Variants in SLC26A5 observed in about 807,000 individuals in gnomAD.
The protein encoded by SLC26A5 is solute carrier family 26 member 5.
A neutral mutation model predicts 81.0 loss-of-function variants in SLC26A5; 51 were observed. That is an observed-to-expected ratio of 0.63 (90% confidence interval 0.50 to 0.80). The LOEUF (loss-of-function observed/expected upper bound fraction) is 0.80. Ranked by LOEUF, SLC26A5 falls within the 30% of genes least tolerant of loss-of-function variation. SLC26A5 has a pLI of 0.00. For synonymous variants in SLC26A5, 325 were observed against 332.8 expected (o/e 0.98, Z 0.25); for missense variants, 771 against 905.8 (o/e 0.85, Z 1.91).
intron 11 of SLC26A5, among the ~76,000 whole-genome samples, chr7:103,390,797 C>T (rs570010622): frequency 6.6e-6 from 1 of 152,104 alleles, no homozygotes; most frequent in African/African-American, 2.4e-5. Context: ...CCTACAAGGG[C>T]CACCAGAAGA....
chr7:103,412,590 C>T (rs984897564), intron 5 of SLC26A5, among the ~76,000 whole-genome samples: 1 of 137,040 alleles, frequency 7.3e-6, no homozygotes, highest in African/African-American at 2.8e-5. Context: ...CGTTCTGTTG[C>T]CCAGGTTGGA....
At chr7:103,438,537 G>C (rs1405237652) in intron 2 of SLC26A5, among the ~76,000 whole-genome samples, 3 of 151,864 alleles carry the variant, frequency 2.0e-5, no homozygotes, top group African/African-American at 7.3e-5. Context: ...AATTTTAGTA[G>C]AGACAGGGTT....
At chr7:103,428,326 T>C (rs149314648) in intron 2 of SLC26A5, among the ~76,000 whole-genome samples, 300 of 152,306 alleles carry the variant, frequency 2.0e-3, no homozygotes, top group Non-Finnish European at 3.7e-3. Context: ...GCTTGCTGAA[T>C]GAACATATAA....
At chr7:103,414,187 C>A (rs917481349) in intron 4 of SLC26A5, among the ~76,000 whole-genome samples, 5 of 133,456 alleles carry the variant, frequency 3.7e-5, no homozygotes, top group African/African-American at 1.5e-4. Flanking sequence ...GTTTTGCCCC[C>A]CCCTTTTTTT....
intron 4 of SLC26A5, among the ~76,000 whole-genome samples, chr7:103,414,338 A>G (rs1824745606): frequency 6.6e-6 from 1 of 151,684 alleles, no homozygotes. Flanking sequence ...GGTGTGTACC[A>G]TCACACCTGG....
chr7:103,369,050 CATAA>C (rs1254292795), intron 19 of SLC26A5: 2 of 152,132 alleles, frequency 1.3e-5, no homozygotes, highest in African/African-American at 2.4e-5. Context: ...GTTCGATATT[CATAA>C]ATAAGTTGCA....
intron 2 of SLC26A5, among the ~76,000 whole-genome samples, chr7:103,439,410 T>A (rs1304778226): frequency 6.6e-6 from 1 of 152,182 alleles, no homozygotes; most frequent in Non-Finnish European, 1.5e-5. Context: ...CCCTGTGTGA[T>A]CTTTAGCACC....
At chr7:103,417,638 T>C (rs1372584309) in intron 4 of SLC26A5, among the ~76,000 whole-genome samples, 1 of 152,176 alleles carries the variant, frequency 6.6e-6, no homozygotes, top group East Asian at 1.9e-4. Context: ...CTACCTCTCT[T>C]TTGGGCTCAC....
intron 8 of SLC26A5, among the ~76,000 whole-genome samples, chr7:103,398,553 AG>A (rs1452887155): frequency 6.6e-6 from 1 of 152,188 alleles, no homozygotes. Flanking sequence ...TCAGGGTAGA[AG>A]GGTACATCAA....
intron 2 of SLC26A5, among the ~76,000 whole-genome samples, chr7:103,423,048 G>A (rs1825469162): frequency 6.6e-6 from 1 of 150,540 alleles, no homozygotes; most frequent in African/African-American, 2.4e-5. Context: ...GATCACCTGA[G>A]GTCAGGAGTT....
In SLC26A5 at chr7:103,416,526, G is replaced by A. The variant is rs117577375; in HGVS notation, c.293-3414C>T. 9.6e-3 allele frequency among the ~76,000 whole-genome samples: 1,466 copies of A among 152,292 alleles called. 12 individuals carry two copies. Among genetic ancestry groups the A allele is most frequent in the Non-Finnish European group, 0.016 (1,071 of 68,032 alleles). On this transcript the variant is annotated intron_variant, in intron 4 of 19. Transcript: ENST00000306312. The stretch of plus-strand genomic sequence containing the variant: ...TCCACTGCATCGTGTAAATGTGGGA[G>A]CCTGAGTGTATTGATGCTACTGATT...
intron 1 of SLC26A5, chr7:103,445,788 A>T (rs1200275034): frequency 6.5e-6 from 1 of 152,984 alleles, no homozygotes; most frequent in Non-Finnish European, 1.5e-5. Context: ...CTGGATTAGC[A>T]CCGAAGGGAT....
Position 103,360,358 on chromosome 7 carries a change from C to T in SLC26A5, c.2042-7432G>A, listed in dbSNP as rs533262751. On this transcript the variant is annotated intron_variant, in intron 19 of 19. Transcript: ENST00000339444. ...TTTTCCTTTCAGGTTTTTTGGTCAG[C>T]CTCTTTTTTTTTGGTAGAGAATGGG... Among the ~76,000 whole-genome samples the T allele has an allele frequency of 4.6e-5, 7 of 152,220 alleles. No homozygotes were observed. The East Asian group carries it at 1.3e-3, about 29-fold the overall frequency.
chr7:103,403,898 G>A (rs536767635), intron 8 of SLC26A5, among the ~76,000 whole-genome samples: 6 of 152,056 alleles, frequency 3.9e-5, no homozygotes, highest in South Asian at 2.1e-4. Flanking sequence ...ATTGTTATGC[G>A]TGGGCCAGGT....
intron 18 of SLC26A5, 27 bp from the exon 19 acceptor site, chr7:103,376,889 G>C (rs766948110): frequency 6.7e-7 from 1 of 1,490,044 alleles, no homozygotes; most frequent in East Asian, 2.3e-5. Flanking sequence ...ATAAAATTTA[G>C]TTTCTCTTTA....
At chr7:103,418,491 G>A (rs181748978) in intron 4 of SLC26A5, among the ~76,000 whole-genome samples, 42 of 152,152 alleles carry the variant, frequency 2.8e-4, no homozygotes, top group Admixed American at 2.6e-3. Context: ...GCCCTTATCC[G>A]CTCCTCACCC....
chr7:103,386,267 T>C (rs914755663), intron 14 of SLC26A5, among the ~76,000 whole-genome samples: 2 of 151,566 alleles, frequency 1.3e-5, no homozygotes, highest in Non-Finnish European at 2.9e-5. Flanking sequence ...CTTGCTGGAC[T>C]TTAAAATTTA....
chr7:103,431,046 T>C (rs1327129520), intron 2 of SLC26A5, among the ~76,000 whole-genome samples: 2 of 152,182 alleles, frequency 1.3e-5, no homozygotes, highest in Admixed American at 1.3e-4. Context: ...TCTTTAACGC[T>C]CATAAGATAT....
At chr7:103,358,270 A>G (rs780548719) in intron 19 of SLC26A5, among the ~76,000 whole-genome samples, 2 of 152,158 alleles carry the variant, frequency 1.3e-5, no homozygotes, top group Non-Finnish European at 2.9e-5. Context: ...TGAAAATTGT[A>G]GAGTCTTCTC....
Sources: gnomAD v4.1 joint callset for allele counts (sites outside exome capture counted in the v4.1 genomes callset) on GRCh38, gnomAD v4.1.1 for gene constraint, MANE v1.5 for transcripts, NCBI Gene and HGNC (gene_info 2026-07-23, HGNC 2026-07-21) for gene names.